The following LRRN1 variants were observed in gnomAD, a reference collection of about 807,000 sequenced individuals.
The protein encoded by LRRN1 is leucine rich repeat neuronal 1.
Under a neutral mutation model 45.8 loss-of-function variants are expected in LRRN1, and 14 were observed. The observed-to-expected ratio is 0.31, with a 90% CI of 0.20 to 0.48. The LOEUF (loss-of-function observed/expected upper bound fraction) is 0.48, where lower values mean the gene tolerates loss of function less well. LRRN1 is among the 20% of genes least tolerant of loss of function. The pLI, the probability that LRRN1 is intolerant of heterozygous loss-of-function variation, is 0.99. For synonymous variants in LRRN1, 359 were observed against 330.1 expected (o/e 1.09, Z -0.95); for missense variants, 789 against 874.2 (o/e 0.90, Z 1.23).
chr3:3,828,998 T>TC (rs1693301572), intron 1 of LRRN1, among the ~76,000 whole-genome samples: 1 of 151,576 alleles, frequency 6.6e-6, no homozygotes, highest in Non-Finnish European at 1.5e-5. Flanking sequence ...TTTCTTTTTT[T>TC]TTTTTTTTCC....
At position 3,816,318 on chromosome 3, in the gene LRRN1, A is replaced by G. The variant is rs982750172; in HGVS notation, c.-279+16399A>G. Among the ~76,000 whole-genome samples the G allele has an allele frequency of 6.6e-6, 1 of 152,168 alleles. No homozygotes were observed. The highest frequency in any genetic ancestry group is 1.5e-5 in the Non-Finnish European group (1 of 68,008). Reference sequence around the variant, plus strand: ...GTATTGGACCATTAGTTTCAAATGCATACTAAGATAGGGGAACACATTGGC... The same window carrying G: ...GTATTGGACCATTAGTTTCAAATGCGTACTAAGATAGGGGAACACATTGGC... On this transcript the variant is annotated intron_variant, in intron 1 of 1. Transcript: ENST00000319331. The surrounding 1 kb of genome is among the most constrained non-coding windows in gnomAD (Gnocchi z 4.0).
rs2106473944 is a variant in LRRN1 at position 3,847,290 on chromosome 3, A to G, written c.*498A>G. Reference sequence around the variant, plus strand: ...TCAAGAAGCTAAGGCTAGACTTGTTACCTTCGTTGAATGATGTTAGTTGAC... The same window carrying G: ...TCAAGAAGCTAAGGCTAGACTTGTTGCCTTCGTTGAATGATGTTAGTTGAC... On this transcript the variant is annotated 3_prime_UTR_variant, in exon 2 of 2. Transcript: ENST00000319331. 1 of 167,398 alleles carries G rather than the reference A, an allele frequency of 6.0e-6. No homozygotes were observed. Among genetic ancestry groups the G allele is most frequent in the African/African-American group, 2.4e-5 (1 of 41,574 alleles). 10.4% of individuals were successfully genotyped at this position (167,398 alleles called of 1,614,324 possible).
At chr3:3,810,247 C>G (rs1417068630) in intron 1 of LRRN1, among the ~76,000 whole-genome samples, 1 of 152,046 alleles carries the variant, frequency 6.6e-6, no homozygotes, top group African/African-American at 2.4e-5. Context: ...AGGTTAGGTT[C>G]AGAGATATCA....
At chr3:3,842,169 C>A (rs891215733) in intron 1 of LRRN1, among the ~76,000 whole-genome samples, 2 of 152,104 alleles carry the variant, frequency 1.3e-5, no homozygotes, top group African/African-American at 2.4e-5. Flanking sequence ...ACTATTAATA[C>A]AACTGTATGG....
In LRRN1 at chr3:3,806,066, T is replaced by C. The variant is rs545381402; in HGVS notation, c.-279+6147T>C. Among the ~76,000 whole-genome samples, 11 of 4,134 alleles carry C rather than the reference T, an allele frequency of 2.7e-3. No homozygotes were observed. The South Asian group carries it at 0.22, about 84-fold the overall frequency. 2.7% of individuals were successfully genotyped at this position (4,134 alleles called of 152,430 possible). ...GGACATTAGGCAATATTTGGAGCCTTCTTTTTGTCATCGCTGTCACAAGTG... is the reference window on the plus strand; with the variant it reads ...GGACATTAGGCAATATTTGGAGCCTCCTTTTTGTCATCGCTGTCACAAGTG... On this transcript the variant is annotated intron_variant, in intron 1 of 1. Coordinates refer to ENST00000319331, the MANE Select transcript of LRRN1 (RefSeq NM_020873.7).
At chr3:3,810,315 C>T (rs372972620) in intron 1 of LRRN1, among the ~76,000 whole-genome samples, 2 of 152,096 alleles carry the variant, frequency 1.3e-5, no homozygotes, top group African/African-American at 4.8e-5. Context: ...AAAGCTTCAC[C>T]TCTCTGCCTC....
At chr3:3,827,728 G>A (rs1324242612) in intron 1 of LRRN1, among the ~76,000 whole-genome samples, 1 of 152,078 alleles carries the variant, frequency 6.6e-6, no homozygotes, top group African/African-American at 2.4e-5. Flanking sequence ...CCCTCAGAAG[G>A]CATTTTTCTT....
intron 1 of LRRN1, among the ~76,000 whole-genome samples, chr3:3,824,337 T>C (rs903980651): frequency 6.6e-6 from 1 of 152,192 alleles, no homozygotes; most frequent in Non-Finnish European, 1.5e-5. Context: ...TAAAAATCTA[T>C]GCACTTCTTT....
chr3:3,833,939 C>G (rs1362513649), intron 1 of LRRN1, among the ~76,000 whole-genome samples: 2 of 152,200 alleles, frequency 1.3e-5, no homozygotes, highest in African/African-American at 4.8e-5. Flanking sequence ...AGTGCCCTCA[C>G]TTTAACAGTA....
rs1362524268 is a variant in LRRN1 at position 3,800,590 on chromosome 3, A to T, written c.-279+671A>T. 2 of 145,490 alleles carry T rather than the reference A, an allele frequency of 1.4e-5. 1 individual carries two copies. The highest frequency in any genetic ancestry group is 3.0e-5 in the Non-Finnish European group (2 of 65,792). The allele number at this position is 145,490 out of a possible 1,614,324, so 9.0% of individuals were successfully genotyped here. On this transcript the variant is annotated intron_variant, in intron 1 of 1. Transcript: ENST00000319331. ...TGAGCTCCACGCGGGGACAGACCTC[A>T]GCCCGTGAGCCTTGAGCTCCACGCG...
In LRRN1 at chr3:3,847,936, T is replaced by G. The variant is rs568854590; in HGVS notation, c.*1144T>G. On this transcript the variant is annotated 3_prime_UTR_variant, in exon 2 of 2. Transcript: ENST00000319331. Reference sequence around the variant, plus strand: ...AGGTAAATATATATATACACCAATATATTCATATATACTCACACACATCCC... The same window carrying G: ...AGGTAAATATATATATACACCAATAGATTCATATATACTCACACACATCCC... Among the ~76,000 whole-genome samples the G allele has an allele frequency of 9.2e-5, 14 of 152,258 alleles. No homozygotes were observed. The South Asian group carries it at 2.7e-3, about 29-fold the overall frequency.
rs574470522 is a variant in LRRN1, at chr3:3,808,396, C to G, written c.-279+8477C>G. 8.5e-5 allele frequency among the ~76,000 whole-genome samples: 13 copies of G among 152,302 alleles called. 1 individual carries two copies. The South Asian group carries it at 2.3e-3, about 27-fold the overall frequency. ...CTCAGGAAACTAAGGCAGACCGCAACTAAGTACCTTGCCCAAGGTCAAACA... is the reference window on the plus strand; with the variant it reads ...CTCAGGAAACTAAGGCAGACCGCAAGTAAGTACCTTGCCCAAGGTCAAACA... On this transcript the variant is annotated intron_variant, in intron 1 of 1. Transcript: ENST00000319331.
At chr3:3,817,152 C>G (rs2106456302) in intron 1 of LRRN1, among the ~76,000 whole-genome samples, 1 of 152,232 alleles carries the variant, frequency 6.6e-6, no homozygotes, top group South Asian at 2.1e-4. Context: ...GCTCCCCATC[C>G]CTGTCTTTGG....
rs1014618277 is a variant in LRRN1, at chr3:3,849,831, C to T, written c.*3039C>T. 5.3e-5 allele frequency among the ~76,000 whole-genome samples: 8 copies of T among 152,198 alleles called. No individual in the cohort carries two copies. The highest frequency in any genetic ancestry group is 1.7e-4 in the African/African-American group (7 of 41,446). Reference sequence around the variant, plus strand: ...AACAATATCAAAGTGCATATTTTCTCTCATGTGGTTTCTATTTATTCAATC... The same window carrying T: ...AACAATATCAAAGTGCATATTTTCTTTCATGTGGTTTCTATTTATTCAATC... On this transcript the variant is annotated 3_prime_UTR_variant, in exon 2 of 2. Transcript: ENST00000319331.
Position 3,846,122 on chromosome 3 carries a change from C to T in LRRN1, c.1481C>T (p.Ser494Leu), listed in dbSNP as rs780585134. The stretch of plus-strand genomic sequence containing the variant: ...ATATCTAACATACAAATTGAAGACT[C>T]AGGAAGATACACATGTGTTGCCCAG... ...LEISNIQIEDSGRYTCVAQNV... is the reference protein window; with the variant it reads ...LEISNIQIEDLGRYTCVAQNV... Residue 494 changes from serine (S) to leucine (L), a missense_variant, in exon 2 of 2, where the codon TCA becomes TTA. Coordinates refer to ENST00000319331, the MANE Select transcript of LRRN1 (RefSeq NM_020873.7). The surrounding 1 kb of genome is among the most constrained non-coding windows in gnomAD (Gnocchi z 5.7). 9 of 1,613,978 alleles carry T rather than the reference C, an allele frequency of 5.6e-6. No individual in the cohort carries two copies. The highest frequency in any genetic ancestry group is 3.3e-4 in the Middle Eastern group (2 of 6,062).
rs182514148 is a variant in LRRN1 at position 3,844,559 on chromosome 3, G to A, written c.-83G>A. On this transcript the variant is annotated 5_prime_UTR_variant, in exon 2 of 2. Transcript: ENST00000319331. Reference sequence around the variant, plus strand: ...GCTTGAATGTTTACATTTTCTGCTCGCTGTCCTACATATCACAATATAGTG... The same window carrying A: ...GCTTGAATGTTTACATTTTCTGCTCACTGTCCTACATATCACAATATAGTG... The A allele has an allele frequency of 1.0e-4, 103 of 1,019,436 alleles. 1 individual carries two copies. The Middle Eastern group carries it at 1.2e-3, about 12-fold the overall frequency. 63.1% of individuals were successfully genotyped at this position (1,019,436 alleles called of 1,614,324 possible). A position where few individuals can be genotyped will look rare whatever the true frequency, so the allele number is the denominator to read the frequency against.
chr3:3,834,307 T>G (rs1022362508), intron 1 of LRRN1, among the ~76,000 whole-genome samples: 2 of 151,636 alleles, frequency 1.3e-5, no homozygotes, highest in African/African-American at 4.8e-5. Context: ...ATGCATTTAT[T>G]TTGCATAAGT....
At chr3:3,803,816 T>G (rs1032152248) in intron 1 of LRRN1, among the ~76,000 whole-genome samples, 5 of 152,236 alleles carry the variant, frequency 3.3e-5, no homozygotes, top group African/African-American at 1.2e-4. Flanking sequence ...AAGGTCTTTT[T>G]AGGTGAAGTT....
intron 1 of LRRN1, among the ~76,000 whole-genome samples, chr3:3,843,789 T>C (rs1693696852): frequency 6.6e-6 from 1 of 152,244 alleles, no homozygotes; most frequent in Non-Finnish European, 1.5e-5. Flanking sequence ...TGGCTGAATA[T>C]GTCTGCAGAA....
Sources: allele counts gnomAD v4.1 joint callset (sites outside exome capture counted in the v4.1 genomes callset), GRCh38; gene constraint gnomAD v4.1.1; non-coding constraint Gnocchi (gnomAD v3.1); transcripts MANE v1.5; gene names NCBI Gene and HGNC (gene_info 2026-07-23, HGNC 2026-07-21).